The following ORC4 variants were observed in gnomAD, a reference collection of about 807,000 sequenced individuals.
ORC4 encodes origin recognition complex, subunit 4 homolog.
Under a neutral mutation model 63.9 loss-of-function variants are expected in ORC4, and 55 were observed. The observed-to-expected ratio is 0.86, with a 90% CI of 0.69 to 1.08. The LOEUF (loss-of-function observed/expected upper bound fraction) is 1.08, where lower values mean the gene tolerates loss of function less well. Among genes scored for constraint, ORC4 ranks in the 50% least tolerant of loss-of-function variants. ORC4 has a pLI of 0.00. For synonymous variants in ORC4, 150 were observed against 168.5 expected (o/e 0.89, Z 0.85); for missense variants, 511 against 504.4 (o/e 1.01, Z -0.13).
At chr2:147,953,792 G>C (rs1036458220) in intron 7 of ORC4, among the ~76,000 whole-genome samples, 4 of 151,972 alleles carry the variant, frequency 2.6e-5, no homozygotes, top group African/African-American at 4.8e-5. Context: ...CTTTATATTT[G>C]TGTTAAAAAG....
chr2:147,945,707 T>C (rs1247868919), intron 9 of ORC4, among the ~76,000 whole-genome samples: 1 of 152,142 alleles, frequency 6.6e-6, no homozygotes, highest in African/African-American at 2.4e-5. Flanking sequence ...CCTGAAGATA[T>C]TTCTTGGATG....
intron 4 of ORC4, chr2:147,960,377 T>G: frequency 1.0e-6 from 1 of 962,650 alleles, no homozygotes; most frequent in Non-Finnish European, 1.2e-6. Context: ...TTGCTAAAAT[T>G]TATTGTTTAT....
intron 1 of ORC4, among the ~76,000 whole-genome samples, chr2:147,984,002 T>A (rs1184432780): frequency 6.6e-6 from 1 of 152,222 alleles, no homozygotes; most frequent in Non-Finnish European, 1.5e-5. Flanking sequence ...CGGTTCTGAA[T>A]ATACAAGACT....
At chr2:147,997,388 T>C (rs1401550362) in intron 1 of ORC4, among the ~76,000 whole-genome samples, 1 of 152,170 alleles carries the variant, frequency 6.6e-6, no homozygotes, top group Non-Finnish European at 1.5e-5. Context: ...TTCATATGTT[T>C]GTCGTTTTTA....
intron 1 of ORC4, among the ~76,000 whole-genome samples, chr2:148,020,288 G>A (rs775856897): frequency 6.6e-6 from 1 of 152,170 alleles, no homozygotes; most frequent in Non-Finnish European, 1.5e-5. Context: ...GAAGTCCTCC[G>A]TCCTGCAGTC....
intron 7 of ORC4, among the ~76,000 whole-genome samples, chr2:147,954,997 TAATA>T (rs1689165288): frequency 1.3e-5 from 2 of 151,976 alleles, no homozygotes; most frequent in African/African-American, 2.4e-5. Flanking sequence ...AATTGGTGAT[TAATA>T]AATAGCACCT....
rs17219099 is a variant in ORC4, at chr2:147,958,482, T to A, written c.302-99A>T. 3.9e-3 allele frequency: 3,186 copies of A among 813,702 alleles called. 66 individuals are homozygous for A. The African/African-American group carries it at 0.049, about 12-fold the overall frequency. 50.4% of individuals were successfully genotyped at this position (813,702 alleles called of 1,614,324 possible). A position where few individuals can be genotyped will look rare whatever the true frequency, so the allele number is the denominator to read the frequency against. ...TAAGTAAATCTTCCCAGTCAAAGCC[T>A]GTGAGTTCATATCACTTTCTTCTTA... is the stretch of plus-strand genomic sequence containing the variant. On this transcript the variant is annotated intron_variant, in intron 5 of 13. Coordinates refer to ENST00000392857, the MANE Select transcript of ORC4 (RefSeq NM_181741.4).
Position 147,996,257 on chromosome 2 carries a change from T to C in ORC4, c.-17-20282A>G, listed in dbSNP as rs552169043. Reference sequence around the variant, plus strand: ...AGGTGGAAGTTGTAGTGAGCCAAGATTGTGCCACTGCACTCAAGCCTGGTG... The same window carrying C: ...AGGTGGAAGTTGTAGTGAGCCAAGACTGTGCCACTGCACTCAAGCCTGGTG... On this transcript the variant is annotated intron_variant, in intron 1 of 13. Transcript: ENST00000392857. Among the ~76,000 whole-genome samples the C allele has an allele frequency of 1.7e-3, 252 of 152,230 alleles. 1 individual carries two copies. Among genetic ancestry groups the C allele is most frequent in the African/African-American group, 5.6e-3 (231 of 41,540 alleles).
At chr2:148,015,307 A>ATTTTTTTT (rs1158861758) in intron 1 of ORC4, among the ~76,000 whole-genome samples, 12 of 92,322 alleles carry the variant, frequency 1.3e-4, no homozygotes, top group African/African-American at 1.8e-4. Flanking sequence ...TGATATTGGA[A>ATTTTTTTT]TTTTTTTTTT....
intron 4 of ORC4, among the ~76,000 whole-genome samples, chr2:147,959,973 C>T (rs1229633799): frequency 6.6e-6 from 1 of 152,186 alleles, no homozygotes; most frequent in African/African-American, 2.4e-5. Flanking sequence ...TCTCTCAAAA[C>T]AGTGCTTTCA....
intron 11 of ORC4, 85 bp downstream of exon 11, chr2:147,939,055 C>A: frequency 1.2e-6 from 1 of 834,660 alleles, no homozygotes; most frequent in Non-Finnish European, 2.1e-6. Context: ...ATTATGCCCA[C>A]GTTAATTGTA....
At position 147,934,069 on chromosome 2, in the gene ORC4, T is replaced by C. The variant is rs542296445; in HGVS notation, c.*1441A>G. On this transcript the variant is annotated 3_prime_UTR_variant, in exon 14 of 14. Coordinates refer to ENST00000392857, the MANE Select transcript of ORC4 (RefSeq NM_181741.4). ...TTTGGTAAGGAATCCACTGTTGAAC[T>C]TCAGGTCTTAATAGCACTGGCTTTG... 3 of 152,314 alleles carry C rather than the reference T, an allele frequency of 2.0e-5. No homozygotes were observed. Among genetic ancestry groups the C allele is most frequent in the Non-Finnish European group, 2.9e-5 (2 of 68,030 alleles). The allele number at this position is 152,314 out of a possible 1,614,324, so 9.4% of individuals were successfully genotyped here. A position where few individuals can be genotyped will look rare whatever the true frequency, so the allele number is the denominator to read the frequency against.
chr2:148,019,192 G>T (rs545350014), intron 1 of ORC4, among the ~76,000 whole-genome samples: 1 of 152,108 alleles, frequency 6.6e-6, no homozygotes, highest in Non-Finnish European at 1.5e-5. Context: ...CAATACAGAA[G>T]ATACTAAGGG....
intron 4 of ORC4, among the ~76,000 whole-genome samples, chr2:147,962,531 G>C (rs901628259): frequency 6.6e-6 from 1 of 152,064 alleles, no homozygotes; most frequent in African/African-American, 2.4e-5. Context: ...AACTCTAGCT[G>C]CACAGAGACT....
chr2:148,008,203 C>T (rs1415752678), intron 1 of ORC4, among the ~76,000 whole-genome samples: 1 of 152,202 alleles, frequency 6.6e-6, no homozygotes, highest in Non-Finnish European at 1.5e-5. Context: ...AACAAGAAAT[C>T]ATCTGAAGGT....
intron 1 of ORC4, among the ~76,000 whole-genome samples, chr2:147,984,602 G>A (rs1691084689): frequency 6.6e-6 from 1 of 152,066 alleles, no homozygotes; most frequent in African/African-American, 2.4e-5. Context: ...TCTCATTACT[G>A]CAGTTCCAGA....
rs140372161 is a variant in ORC4, at chr2:147,976,892, A to T, written c.-17-917T>A. ...GGAATGAAAAAAAAATTAATGAAAA[A>T]ATTATATTTTTTGTAAAATTCTCCT... On this transcript the variant is annotated intron_variant, in intron 1 of 13. Transcript: ENST00000392857. Among the ~76,000 whole-genome samples the T allele has an allele frequency of 1.2e-3, 174 of 150,980 alleles. 2 individuals carry two copies. In the East Asian group the frequency reaches 0.028, roughly 25 times the overall value.
chr2:147,945,068 G>A (rs1251071429), intron 9 of ORC4, among the ~76,000 whole-genome samples: 1 of 152,004 alleles, frequency 6.6e-6, no homozygotes, highest in African/African-American at 2.4e-5. Flanking sequence ...AAGATATGTG[G>A]CTAAATATCA....
At chr2:147,955,161 A>G (rs1689175150) in intron 7 of ORC4, among the ~76,000 whole-genome samples, 186 bp downstream of exon 7, 1 of 151,926 alleles carries the variant, frequency 6.6e-6, no homozygotes, top group Admixed American at 6.6e-5. Context: ...AAGATAAGAA[A>G]CCAAATGCTA....
Sources: allele counts gnomAD v4.1 joint callset (sites outside exome capture counted in the v4.1 genomes callset), GRCh38; gene constraint gnomAD v4.1.1; transcripts MANE v1.5; gene names NCBI Gene and HGNC (gene_info 2026-07-23, HGNC 2026-07-21).